The following ADARB2 variants were observed in gnomAD, a reference collection of about 807,000 sequenced individuals.
ADARB2 encodes adenosine deaminase RNA specific B2 (inactive).
Under a neutral mutation model 62.2 loss-of-function variants are expected in ADARB2, and 25 were observed. The ratio of observed to expected loss-of-function variants is 0.40; its 90% confidence interval spans 0.29 to 0.56. The LOEUF is 0.56. Ranked by LOEUF, ADARB2 falls within the 20% of genes least tolerant of loss-of-function variation. The pLI is 0.43. For missense variants in ADARB2, 1,071 were observed against 1,077.4 expected, an observed-to-expected ratio of 0.99 and a Z score of 0.08; for synonymous variants, 572 against 500.8, an observed-to-expected ratio of 1.14 and a Z score of -1.90.
At chr10:1,676,125 A>G (rs1252777162) in intron 1 of ADARB2, 1 of 924,312 alleles carries the variant, frequency 1.1e-6, no homozygotes, top group Non-Finnish European at 1.3e-6. Flanking sequence ...CAAAATTGCC[A>G]TTTTGGGTCT....
chr10:1,486,408 T>C (rs895426096), intron 1 of ADARB2, among the ~76,000 whole-genome samples: 2 of 152,196 alleles, frequency 1.3e-5, no homozygotes, highest in Middle Eastern at 3.2e-3. Context: ...ATTAAGTAAA[T>C]CATCTGGAGA....
At chr10:1,696,006 CTG>C (rs1243825018) in intron 1 of ADARB2, among the ~76,000 whole-genome samples, 4 of 151,882 alleles carry the variant, frequency 2.6e-5, no homozygotes, top group Non-Finnish European at 5.9e-5. Flanking sequence ...TGGGGTGTGC[CTG>C]TGTGTATGCC....
At chr10:1,605,206 G>A (rs1254082638) in intron 1 of ADARB2, among the ~76,000 whole-genome samples, 1 of 152,202 alleles carries the variant, frequency 6.6e-6, no homozygotes, top group Non-Finnish European at 1.5e-5. Flanking sequence ...TGGCTGGCAA[G>A]CCATGCCTTC....
intron 4 of ADARB2, among the ~76,000 whole-genome samples, chr10:1,260,942 T>C: frequency 2.9e-5 from 4 of 138,812 alleles, no homozygotes; most frequent in South Asian, 5.3e-4. Flanking sequence ...ATGGTACTGG[T>C]ACCAAAACAG....
At chr10:1,683,646 A>C (rs1018743142) in intron 1 of ADARB2, among the ~76,000 whole-genome samples, 1 of 152,200 alleles carries the variant, frequency 6.6e-6, no homozygotes, top group Non-Finnish European at 1.5e-5. Flanking sequence ...ACTGTCGCCG[A>C]GTCAGAGCGG....
chr10:1,381,270 C>T (rs1448105554), intron 1 of ADARB2, among the ~76,000 whole-genome samples: 1 of 152,122 alleles, frequency 6.6e-6, no homozygotes, highest in Non-Finnish European at 1.5e-5. Flanking sequence ...AGACATTTCT[C>T]CAAGGAAGAT....
chr10:1,395,816 C>A (rs561000386), intron 1 of ADARB2, among the ~76,000 whole-genome samples: 1 of 152,210 alleles, frequency 6.6e-6, no homozygotes, highest in African/African-American at 2.4e-5. Flanking sequence ...TGTCTCATAG[C>A]GGCTGCCTTC....
At chr10:1,197,964 C>T (rs901829360) in intron 8 of ADARB2, among the ~76,000 whole-genome samples, 17 of 152,084 alleles carry the variant, frequency 1.1e-4, no homozygotes, top group Admixed American at 2.6e-4. Flanking sequence ...ATTACTATCC[C>T]CATCATTTTG....
At chr10:1,523,420 G>A (rs1156293634) in intron 1 of ADARB2, among the ~76,000 whole-genome samples, 5 of 152,158 alleles carry the variant, frequency 3.3e-5, no homozygotes, top group Admixed American at 6.5e-5. Flanking sequence ...ACGCAGCCCT[G>A]AGCTGGGGAA....
In ADARB2 at chr10:1,270,999, A is replaced by T; in HGVS notation, c.1148T>A (p.Met383Lys). The T allele has an allele frequency of 6.2e-7, 1 of 1,613,288 alleles. No individual in the cohort carries two copies. Among genetic ancestry groups the T allele is most frequent in the Non-Finnish European group, 8.5e-7 (1 of 1,179,704 alleles). Reference sequence around the variant, plus strand: ...TGCCAGCGCTTTATGGCGGGCGTGCATGGGCGTGAGGTCCGTCGTCACCTC... The same window carrying T: ...TGCCAGCGCTTTATGGCGGGCGTGCTTGGGCGTGAGGTCCGTCGTCACCTC... The part of the protein sequence containing the change: ...FREVTTDLTP[M>K]HARHKALAGI... The change falls in exon 4 of 10, where the codon ATG becomes AAG. Residue 383 changes from methionine to lysine, a missense_variant. Met to Lys is a moderately conservative substitution (Grantham distance 95). Transcript: ENST00000381312.
At chr10:1,534,027 G>T (rs563056178) in intron 1 of ADARB2, among the ~76,000 whole-genome samples, 1 of 150,522 alleles carries the variant, frequency 6.6e-6, no homozygotes, top group Non-Finnish European at 1.5e-5. Context: ...TGACTTTGAT[G>T]GGGGAGGGAG....
intron 1 of ADARB2, among the ~76,000 whole-genome samples, chr10:1,386,874 A>G (rs1450939236): frequency 6.6e-6 from 1 of 151,902 alleles, no homozygotes; most frequent in Non-Finnish European, 1.5e-5. Flanking sequence ...ACAAAATAAA[A>G]AAGGTCTCAA....
At chr10:1,271,271 G>A (rs564267889) in intron 3 of ADARB2, among the ~76,000 whole-genome samples, 1 of 152,314 alleles carries the variant, frequency 6.6e-6, no homozygotes, top group South Asian at 2.1e-4. Flanking sequence ...GAATCATATT[G>A]AGTGGCTTAT....
At chr10:1,691,292 A>G (rs1834669172) in intron 1 of ADARB2, among the ~76,000 whole-genome samples, 2 of 152,156 alleles carry the variant, frequency 1.3e-5, no homozygotes, top group Non-Finnish European at 2.9e-5. Flanking sequence ...AACCCTGATG[A>G]CATTTTGACC....
chr10:1,550,373 A>C (rs1036878275), intron 1 of ADARB2, among the ~76,000 whole-genome samples: 2 of 152,272 alleles, frequency 1.3e-5, no homozygotes, highest in African/African-American at 4.8e-5. Context: ...AACAGCAGCT[A>C]TTTTCTGAGA....
At chr10:1,219,709 G>A (rs1203533559) in intron 6 of ADARB2, among the ~76,000 whole-genome samples, 1 of 152,004 alleles carries the variant, frequency 6.6e-6, no homozygotes, top group Non-Finnish European at 1.5e-5. Flanking sequence ...AATGGTGGTG[G>A]TGATGGTGTT....
intron 2 of ADARB2, among the ~76,000 whole-genome samples, chr10:1,366,862 G>A (rs543027114): frequency 1.3e-5 from 2 of 152,362 alleles, no homozygotes; most frequent in African/African-American, 4.8e-5. Context: ...CGTGGGGACA[G>A]GCTCTTCTGC....
intron 1 of ADARB2, among the ~76,000 whole-genome samples, chr10:1,525,057 A>T (rs987697856): frequency 6.6e-6 from 1 of 152,226 alleles, no homozygotes; most frequent in Non-Finnish European, 1.5e-5. Flanking sequence ...ATAAAATAAT[A>T]ATAATAACTT....
intron 3 of ADARB2, among the ~76,000 whole-genome samples, chr10:1,328,622 G>A (rs1398474792): frequency 6.6e-6 from 1 of 152,110 alleles, no homozygotes; most frequent in Non-Finnish European, 1.5e-5. Context: ...GAACAGAGGG[G>A]ATGGGATTAT....
Sources: allele counts gnomAD v4.1 joint callset (sites outside exome capture counted in the v4.1 genomes callset), GRCh38; gene constraint gnomAD v4.1.1; transcripts MANE v1.5; gene names NCBI Gene and HGNC (gene_info 2026-07-23, HGNC 2026-07-21).